SORCS1: variants seen among roughly 807,000 people sequenced by gnomAD.
SORCS1 encodes sortilin related VPS10 domain containing receptor 1.
In SORCS1, 60 loss-of-function variants were observed where a neutral mutation model predicts 146.1. That is an observed-to-expected ratio of 0.41 (90% confidence interval 0.33 to 0.51). SORCS1 has a LOEUF of 0.51. Ranked by LOEUF, SORCS1 falls within the 20% of genes least tolerant of loss-of-function variation. The probability of loss-of-function intolerance (pLI) is 0.21; values close to 1 mark genes in which losing one functional copy is unlikely to be tolerated. For synonymous variants in SORCS1, 637 were observed against 584.0 expected, an observed-to-expected ratio of 1.09 and a Z score of -1.31; for missense variants, 1,352 against 1,487.6, an observed-to-expected ratio of 0.91 and a Z score of 1.50.
At chr10:106,608,795 T>G (rs1014017591) in intron 22 of SORCS1, among the ~76,000 whole-genome samples, 1 of 152,138 alleles carries the variant, frequency 6.6e-6, no homozygotes. Context: ...GAAACAAACA[T>G]GGACAAGGGA....
chr10:106,796,007 G>T (rs1189764524), intron 3 of SORCS1, among the ~76,000 whole-genome samples: 1 of 152,098 alleles, frequency 6.6e-6, no homozygotes. Context: ...ATGCTAGTGA[G>T]GTTATGAACA....
intron 3 of SORCS1, among the ~76,000 whole-genome samples, chr10:106,806,317 G>A (rs1947169728): frequency 6.6e-6 from 1 of 150,642 alleles, no homozygotes; most frequent in South Asian, 2.1e-4. Context: ...GCAGTGAGCC[G>A]AGATCAGGCC....
At chr10:106,605,425 T>C (rs1384536575) in intron 23 of SORCS1, among the ~76,000 whole-genome samples, 1 of 151,996 alleles carries the variant, frequency 6.6e-6, no homozygotes, top group African/African-American at 2.4e-5. Flanking sequence ...ATGTGGTAAC[T>C]AGGAAAAAAA....
chr10:107,015,267 G>A (rs1957851528), intron 1 of SORCS1, among the ~76,000 whole-genome samples: 1 of 152,164 alleles, frequency 6.6e-6, no homozygotes, highest in Non-Finnish European at 1.5e-5. Context: ...GTTGTGGAGA[G>A]ATAGAAAATA....
chr10:106,992,823 TTTC>T (rs1465793712), intron 1 of SORCS1, among the ~76,000 whole-genome samples: 16,482 of 104,436 alleles, frequency 0.16, 1,585 homozygotes, highest in African/African-American at 0.19. Context: ...CCTTTCTTTC[TTTC>T]TTTTTTTTTT....
At chr10:107,113,767 A>C (rs1965850026) in intron 1 of SORCS1, among the ~76,000 whole-genome samples, 1 of 151,898 alleles carries the variant, frequency 6.6e-6, no homozygotes, top group African/African-American at 2.4e-5. Context: ...GAAAATAATA[A>C]ACTAGGCCCA....
chr10:106,994,285 C>T (rs7919051), intron 1 of SORCS1, among the ~76,000 whole-genome samples: 27,358 of 151,870 alleles, frequency 0.18, 7,964 homozygotes, highest in African/African-American at 0.61. Context: ...GACTACAGCA[C>T]GACAAAAATC....
rs1446661602 is a variant in SORCS1, at chr10:107,016,881, G to C, written c.559-60301C>G. On this transcript the variant is annotated intron_variant, in intron 1 of 25. Transcript: ENST00000263054. ...GGGCGAACACAAGAAATTCACAGGA[G>C]AGCTAAACAGCTAATAATCATTTTT... 3.9e-5 allele frequency among the ~76,000 whole-genome samples: 6 copies of C among 152,154 alleles called. No homozygotes were observed. In the East Asian group the frequency reaches 1.2e-3, roughly 29 times the overall value.
rs1851067969 is a variant in SORCS1 at position 106,665,531 on chromosome 10, C to T, written c.2303+2158G>A. Among the ~76,000 whole-genome samples the T allele has an allele frequency of 4.0e-5, 6 of 151,882 alleles. No homozygotes were observed. The South Asian group carries it at 1.2e-3, about 32-fold the overall frequency. On this transcript the variant is annotated intron_variant, in intron 17 of 25. Coordinates refer to ENST00000263054, the MANE Select transcript of SORCS1 (RefSeq NM_052918.5). ...TGCTACCACAATAGCTTCTTTTTAA[C>T]TTTTTATTATCAGAACTTTCAAATA...
chr10:107,169,540 G>T (rs1970114806), upstream of SORCS1, among the ~76,000 whole-genome samples: 1 of 152,272 alleles, frequency 6.6e-6, no homozygotes, highest in African/African-American at 2.4e-5. Context: ...TCATAAGGAT[G>T]TTATGAAAGT....
intron 9 of SORCS1, among the ~76,000 whole-genome samples, chr10:106,695,863 CT>C (rs1479612581): frequency 6.6e-6 from 1 of 152,196 alleles, no homozygotes; most frequent in African/African-American, 2.4e-5. Flanking sequence ...ACCCTCAACA[CT>C]TTGTCTCCAG....
At chr10:106,599,541 A>G (rs1846112820) in intron 23 of SORCS1, among the ~76,000 whole-genome samples, 1 of 152,170 alleles carries the variant, frequency 6.6e-6, no homozygotes, top group South Asian at 2.1e-4. Context: ...GAGGTCTATC[A>G]CAAAGGTTTT....
At chr10:106,723,142 G>C (rs979545513) in intron 6 of SORCS1, among the ~76,000 whole-genome samples, 5 of 152,138 alleles carry the variant, frequency 3.3e-5, no homozygotes, top group African/African-American at 7.2e-5. Flanking sequence ...GCAACATGGT[G>C]AGACCTTATC....
At chr10:107,110,684 C>A (rs1006097973) in intron 1 of SORCS1, among the ~76,000 whole-genome samples, 6 of 149,200 alleles carry the variant, frequency 4.0e-5, no homozygotes, top group African/African-American at 1.2e-4. Context: ...TCAGTGGTGA[C>A]AAATATCCAA....
At chr10:107,149,098 C>G (rs1053246251) in intron 1 of SORCS1, among the ~76,000 whole-genome samples, 2 of 152,222 alleles carry the variant, frequency 1.3e-5, no homozygotes, top group Non-Finnish European at 2.9e-5. Context: ...GGTATCTCTT[C>G]AACTACTCAC....
At chr10:106,697,625 T>C (rs187114038) in intron 9 of SORCS1, among the ~76,000 whole-genome samples, 40 of 152,272 alleles carry the variant, frequency 2.6e-4, no homozygotes, top group African/African-American at 8.7e-4. Context: ...AACACTGTAG[T>C]GGTGCTTGAA....
At chr10:106,590,310 C>T (rs368550497) in intron 24 of SORCS1, among the ~76,000 whole-genome samples, 6 of 152,190 alleles carry the variant, frequency 3.9e-5, no homozygotes, top group Middle Eastern at 3.4e-3. Context: ...AAGTTTCATG[C>T]AACTAGTATT....
intron 3 of SORCS1, among the ~76,000 whole-genome samples, chr10:106,793,430 T>C (rs745871621): frequency 6.6e-5 from 10 of 152,184 alleles, no homozygotes; most frequent in Non-Finnish European, 1.3e-4. Context: ...TAAAGCGATT[T>C]TGACTAAAGC....
At chr10:106,972,904 G>A (rs966243984) in intron 1 of SORCS1, among the ~76,000 whole-genome samples, 2 of 152,110 alleles carry the variant, frequency 1.3e-5, no homozygotes, top group Non-Finnish European at 2.9e-5. Context: ...AACTGGCTGG[G>A]GCTTGGGTAG....
Sources: gnomAD v4.1 joint callset for allele counts (sites outside exome capture counted in the v4.1 genomes callset) on GRCh38, gnomAD v4.1.1 for gene constraint, MANE v1.5 for transcripts, NCBI Gene and HGNC (gene_info 2026-07-23, HGNC 2026-07-21) for gene names.